Variants in RIMS3 observed in about 807,000 individuals in gnomAD.
RIMS3 encodes regulating synaptic membrane exocytosis protein 3.
A neutral mutation model predicts 29.2 loss-of-function variants in RIMS3; 15 were observed. That is an observed-to-expected ratio of 0.51 (90% CI 0.34 to 0.79). The LOEUF (loss-of-function observed/expected upper bound fraction) is 0.79. Among genes scored for constraint, RIMS3 ranks in the 30% least tolerant of loss-of-function variants. The pLI, the probability that RIMS3 is intolerant of heterozygous loss-of-function variation, is 0.01. For synonymous variants in RIMS3, 161 were observed against 170.1 expected, an observed-to-expected ratio of 0.95 and a Z score of 0.41; for missense variants, 342 against 421.4, an observed-to-expected ratio of 0.81 and a Z score of 1.65.
At chr1:40,664,408 C>T (rs1642396133) in intron 1 of RIMS3, among the ~76,000 whole-genome samples, 1 of 152,148 alleles carries the variant, frequency 6.6e-6, no homozygotes, top group Non-Finnish European at 1.5e-5. Context: ...CAATCCTCCT[C>T]CCATGACTTC....
intron 4 of RIMS3, among the ~76,000 whole-genome samples, chr1:40,634,193 A>G (rs1292983541): frequency 1.3e-5 from 2 of 152,110 alleles, no homozygotes; most frequent in African/African-American, 4.8e-5. Context: ...AAGGCTGTCC[A>G]AGGAAGAATC....
intron 5 of RIMS3, 115 bp downstream of exon 5, chr1:40,632,954 C>T (rs1646498499): frequency 1.2e-6 from 1 of 832,582 alleles, no homozygotes. Flanking sequence ...CTTAAGATCA[C>T]AGAATTGGTG....
chr1:40,629,016 T>G, intron 6 of RIMS3, 67 bp from the exon 7 acceptor site: 3 of 1,589,186 alleles, frequency 1.9e-6, no homozygotes, highest in Non-Finnish European at 2.6e-6. Flanking sequence ...GCCCATCCCC[T>G]AACTGCCAGG....
At chr1:40,681,333 C>G in the RIMS3 span, among the ~76,000 whole-genome samples, 1 of 152,056 alleles carries the variant, frequency 6.6e-6, no homozygotes, top group Admixed American at 6.6e-5. Context: ...GAGAAGGCAT[C>G]GAAACTGATG....
intron 7 of RIMS3, among the ~76,000 whole-genome samples, chr1:40,627,016 C>T (rs546839308): frequency 2.6e-5 from 4 of 152,324 alleles, no homozygotes; most frequent in South Asian, 2.1e-4. Context: ...GGTTAATTAG[C>T]TAACCTAAAG....
At position 40,636,792 on chromosome 1, in the gene RIMS3, C is replaced by T. The variant is rs2148347716; in HGVS notation, c.218-735G>A. 6.6e-6 allele frequency among the ~76,000 whole-genome samples: 1 copy of T among 152,270 alleles called. No individual in the cohort carries two copies. Among genetic ancestry groups the T allele is most frequent in the African/African-American group, 2.4e-5 (1 of 41,542 alleles). On this transcript the variant is annotated intron_variant, in intron 3 of 7. Transcript: ENST00000372684. The surrounding 1 kb of genome is among the most constrained non-coding windows in gnomAD (Gnocchi z 4.2). Reference sequence around the variant, plus strand: ...GTCTCCGTGCCTCCTGTTCAGAGGCCCTCGACCCCCATATCCTGGCCTCCC... The same window carrying T: ...GTCTCCGTGCCTCCTGTTCAGAGGCTCTCGACCCCCATATCCTGGCCTCCC...
chr1:40,649,318 C>T (rs978789753), intron 1 of RIMS3, among the ~76,000 whole-genome samples: 37 of 152,138 alleles, frequency 2.4e-4, no homozygotes, highest in African/African-American at 8.9e-4. Context: ...TGCACACCAC[C>T]CCCCACTAAG....
the RIMS3 span, among the ~76,000 whole-genome samples, chr1:40,686,167 G>A: frequency 6.6e-6 from 1 of 151,740 alleles, no homozygotes; most frequent in Admixed American, 6.6e-5. Context: ...AAAAAGTAGA[G>A]TGCCATTACC....
At chr1:40,648,395 G>A (rs903562151) in intron 1 of RIMS3, among the ~76,000 whole-genome samples, 1 of 152,256 alleles carries the variant, frequency 6.6e-6, no homozygotes, top group Non-Finnish European at 1.5e-5. Flanking sequence ...GAAAGGCAGA[G>A]TGAATGAAAC....
chr1:40,630,237 G>A (rs932183278), intron 5 of RIMS3, among the ~76,000 whole-genome samples: 7 of 152,154 alleles, frequency 4.6e-5, no homozygotes, highest in Admixed American at 3.3e-4. Flanking sequence ...GGGTGTGGAC[G>A]GCTGAGAAAT....
At chr1:40,659,618 T>C (rs1642323226) in intron 1 of RIMS3, among the ~76,000 whole-genome samples, 1 of 152,040 alleles carries the variant, frequency 6.6e-6, no homozygotes, top group African/African-American at 2.4e-5. Flanking sequence ...GAAATAGACA[T>C]GAGGGAAAAG....
the RIMS3 span, among the ~76,000 whole-genome samples, chr1:40,671,063 TG>T: frequency 6.6e-6 from 1 of 152,014 alleles, no homozygotes; most frequent in Non-Finnish European, 1.5e-5. Context: ...TTGAGAGCTA[TG>T]GGGATTTGGG....
chr1:40,689,336 C>T, the RIMS3 span, among the ~76,000 whole-genome samples: 5 of 152,120 alleles, frequency 3.3e-5, no homozygotes, highest in Admixed American at 2.6e-4. Context: ...GGCTGGAGTG[C>T]AGTGGCGTGA....
chr1:40,626,423 G>T lies in RIMS3; in HGVS notation c.*94C>A, dbSNP rs553201092. 7.7e-6 allele frequency: 9 copies of T among 1,162,872 alleles called. No homozygotes were observed. In the East Asian group the frequency reaches 2.3e-4, roughly 30 times the overall value. 72.0% of individuals were successfully genotyped at this position (1,162,872 alleles called of 1,614,324 possible). On this transcript the variant is annotated 3_prime_UTR_variant, in exon 8 of 8. Coordinates refer to ENST00000372684, the MANE Select transcript of RIMS3 (RefSeq NM_014747.3). ...CCAACAGGCATGCAGCAGGACAAGG[G>T]GTCCAGAAAGACACGAAGACTATGT...
the RIMS3 span, chr1:40,692,061 C>T: frequency 1.9e-5 from 4 of 205,248 alleles, no homozygotes; most frequent in Non-Finnish European, 4.2e-5. Flanking sequence ...CTCGTGGGGT[C>T]CGTGTGCCTC....
In RIMS3 at chr1:40,629,126, C is replaced by G. The variant is rs1314945191; in HGVS notation, c.574+145G>C. The G allele has an allele frequency of 2.9e-6, 3 of 1,037,876 alleles. No individual in the cohort carries two copies. The African/African-American group carries it at 4.8e-5, about 16-fold the overall frequency. 64.3% of individuals were successfully genotyped at this position (1,037,876 alleles called of 1,614,324 possible). A position where few individuals can be genotyped will look rare whatever the true frequency, so the allele number is the denominator to read the frequency against. ...TGATTCCTCCATCCTCCCTTACTCCCCCACCTAGTCACTGGCCTTCCAGGC... is the reference window on the plus strand; with the variant it reads ...TGATTCCTCCATCCTCCCTTACTCCGCCACCTAGTCACTGGCCTTCCAGGC... On this transcript the variant is annotated intron_variant, in intron 6 of 7. Coordinates refer to ENST00000372684, the MANE Select transcript of RIMS3 (RefSeq NM_014747.3).
At chr1:40,639,483 G>A (rs564893993) in intron 3 of RIMS3, among the ~76,000 whole-genome samples, 1 of 152,190 alleles carries the variant, frequency 6.6e-6, no homozygotes, top group African/African-American at 2.4e-5. Flanking sequence ...TGGTACAATG[G>A]CAGGTAATAA....
intron 1 of RIMS3, among the ~76,000 whole-genome samples, chr1:40,650,548 T>C (rs1646625190): frequency 6.6e-6 from 1 of 152,098 alleles, no homozygotes; most frequent in African/African-American, 2.4e-5. Context: ...CAGCCACACT[T>C]GCTTCTTTTC....
At chr1:40,667,951 TAA>T (rs767871796), upstream of RIMS3, among the ~76,000 whole-genome samples, 2 of 151,898 alleles carry the variant, frequency 1.3e-5, no homozygotes, top group East Asian at 2.0e-4. Context: ...TTTGTCTCTA[TAA>T]AAAAATACAA....
Sources: allele counts gnomAD v4.1 joint callset (sites outside exome capture counted in the v4.1 genomes callset), GRCh38; gene constraint gnomAD v4.1.1; non-coding constraint Gnocchi (gnomAD v3.1); transcripts MANE v1.5; gene names NCBI Gene and HGNC (gene_info 2026-07-23, HGNC 2026-07-21).